The following VHLL variants were observed in gnomAD, a reference collection of about 807,000 sequenced individuals.
The protein encoded by VHLL is VHL like, also known as von Hippel-Lindau-like protein.
Under a neutral mutation model 3.5 loss-of-function variants are expected in VHLL, and 4 were observed. That is an observed-to-expected ratio of 1.13 (90% CI 0.56 to 2.59). The LOEUF (loss-of-function observed/expected upper bound fraction) is 2.59, where lower values mean the gene tolerates loss of function less well. Ranked by LOEUF, VHLL falls within the 30% of genes most tolerant of loss-of-function variation. The pLI, the probability that VHLL is intolerant of heterozygous loss-of-function variation, is 0.02. For missense variants in VHLL, 155 were observed against 178.2 expected, an observed-to-expected ratio of 0.87 and a Z score of 0.74; for synonymous variants, 77 against 76.0, an observed-to-expected ratio of 1.01 and a Z score of -0.07.
chr1:156,299,012 T>C lies in VHLL; in HGVS notation c.178A>G (p.Asn60Asp), dbSNP rs1663722756. The change falls in exon 1 of 1, where the codon AAT (asparagine) becomes GAT (aspartate). Residue 60 changes from asparagine (N) to aspartate (D), a missense_variant. Coordinates refer to ENST00000339922, the MANE Select transcript of VHLL (RefSeq NM_001004319.3). ...SRELSRIIIC[N>D]HSPRIVLPVW... ...GGCAGCACGATTCGTGGGCTGTGAT[T>C]GCAGATGATGATCCGGGAGAGCTCG... 2.5e-6 allele frequency: 4 copies of C among 1,613,382 alleles called. No homozygotes were observed. Among genetic ancestry groups the C allele is most frequent in the Non-Finnish European group, 3.4e-6 (4 of 1,180,018 alleles).
Position 156,299,138 on chromosome 1 carries a change from G to T in VHLL, c.52C>A (p.Gln18Lys). ...CAGTACTCTTCTGGGCCTGCCTCCTGGGTGCCCGCCTGGGCCTCTAAACCC... is the reference window on the plus strand; with the variant it reads ...CAGTACTCTTCTGGGCCTGCCTCCTTGGTGCCCGCCTGGGCCTCTAAACCC... ...GVGLEAQAGTQEAGPEEYCQE... is the reference protein window; with the variant it reads ...GVGLEAQAGTKEAGPEEYCQE... The change falls in exon 1 of 1, where the codon CAG becomes AAG. Residue 18 changes from glutamine to lysine, a missense_variant. By Grantham distance (53) the Gln-to-Lys change is moderately conservative (BLOSUM62 1). Coordinates refer to ENST00000339922, the MANE Select transcript of VHLL (RefSeq NM_001004319.3). 6.2e-7 allele frequency: 1 copy of T among 1,604,578 alleles called. No homozygotes were observed.
In VHLL at chr1:156,298,835, C is replaced by G. The variant is rs769110759; in HGVS notation, c.355G>C (p.Val119Leu). 2 of 1,614,070 alleles carry G rather than the reference C, an allele frequency of 1.2e-6. No individual in the cohort carries two copies. Among genetic ancestry groups the G allele is most frequent in the Non-Finnish European group, 1.7e-6 (2 of 1,180,050 alleles). Reference protein sequence around the residue: ...KLLVNQTELFVPSSNVNGQPV... With the variant: ...KLLVNQTELFLPSSNVNGQPV... The stretch of plus-strand genomic sequence containing the variant: ...TGTCCATTAACATTGGAAGATGGCA[C>G]AAACAATTCAGTTTGGTTAACCAGA... Residue 119 changes from valine (V) to leucine (L), a missense_variant, in exon 1 of 1, where the codon GTG (valine) becomes CTG (leucine). Coordinates refer to ENST00000339922, the MANE Select transcript of VHLL (RefSeq NM_001004319.3).
rs1438663509 is a variant in VHLL, at chr1:156,299,160, A to C, written c.30T>G (p.Gly10=). The C allele has an allele frequency of 1.9e-6, 3 of 1,586,088 alleles. No individual in the cohort carries two copies. The highest frequency in any genetic ancestry group is 2.6e-6 in the Non-Finnish European group (3 of 1,164,726). ...CCTGGGTGCCCGCCTGGGCCTCTAA[A>C]CCCACCCCGTTCCCCGCTCTCCAGG... The part of the protein sequence containing the change: MPWRAGNGV[G]LEAQAGTQEA... Residue 10 remains glycine, a synonymous_variant, in exon 1 of 1, where the codon GGT becomes GGG. Coordinates refer to ENST00000339922, the MANE Select transcript of VHLL (RefSeq NM_001004319.3).
At position 156,298,708 on chromosome 1, in the gene VHLL, G is replaced by A. The variant is rs1663714961; in HGVS notation, c.*62C>T. 1.3e-6 allele frequency: 2 copies of A among 1,539,358 alleles called. No homozygotes were observed. Among genetic ancestry groups the A allele is most frequent in the African/African-American group, 1.4e-5 (1 of 73,280 alleles). On this transcript the variant is annotated 3_prime_UTR_variant, in exon 1 of 1. Transcript: ENST00000339922. Reference sequence around the variant, plus strand: ...GATCGTCATAGAGTGATCTGACGATGTCCAGTCTCCTGTAATTCTTGGGCT... The same window carrying A: ...GATCGTCATAGAGTGATCTGACGATATCCAGTCTCCTGTAATTCTTGGGCT...
chr1:156,299,167 C>A lies in VHLL; in HGVS notation c.23G>T (p.Gly8Val). 1.3e-6 allele frequency: 2 copies of A among 1,576,714 alleles called. No homozygotes were observed. Among genetic ancestry groups the A allele is most frequent in the Non-Finnish European group, 1.7e-6 (2 of 1,160,198 alleles). MPWRAGNGVGLEAQAGTQ... is the reference protein window; with the variant it reads MPWRAGNVVGLEAQAGTQ... The stretch of plus-strand genomic sequence containing the variant: ...GCCCGCCTGGGCCTCTAAACCCACC[C>A]CGTTCCCCGCTCTCCAGGGCATTAC... The change falls in exon 1 of 1, where the codon GGG becomes GTG. Residue 8 changes from glycine to valine, a missense_variant. By Grantham distance (109) the Gly-to-Val change is moderately radical (BLOSUM62 -3). Transcript: ENST00000339922.
At position 156,299,054 on chromosome 1, in the gene VHLL, G is replaced by A. The variant is rs143080465; in HGVS notation, c.136C>T (p.Arg46Cys). The stretch of plus-strand genomic sequence containing the variant: ...GAGAGCTCGCGTGAGTTCACAGAGC[G>A]CAGCACAGGCCATGCTGCTCTGGCT... ...MAARAAWPVL[R>C]SVNSRELSRI... The change falls in exon 1 of 1, where the codon CGC (arginine) becomes TGC (cysteine). Residue 46 changes from arginine (R) to cysteine (C), a missense_variant. Arg to Cys is a radical substitution (Grantham distance 180, BLOSUM62 -3). Transcript: ENST00000339922. 619 of 1,613,130 alleles carry A rather than the reference G, an allele frequency of 3.8e-4. No individual in the cohort carries two copies. The highest frequency in any genetic ancestry group is 4.9e-4 in the Non-Finnish European group (583 of 1,180,018).
chr1:156,299,295 G>C lies in VHLL; in HGVS notation c.-106C>G. 7.1e-7 allele frequency: 1 copy of C among 1,408,372 alleles called. No homozygotes were observed. Among genetic ancestry groups the C allele is most frequent in the Non-Finnish European group, 9.6e-7 (1 of 1,041,932 alleles). 87.2% of individuals were successfully genotyped at this position (1,408,372 alleles called of 1,614,324 possible). The stretch of plus-strand genomic sequence containing the variant: ...GAGTTACAATGGAATCAGAAAGGCT[G>C]GGAGTATATAACCCCCTACCTGGGT... On this transcript the variant is annotated 5_prime_UTR_variant, in exon 1 of 1. Transcript: ENST00000339922.
In VHLL at chr1:156,298,743, T is replaced by G; in HGVS notation, c.*27A>C. 1 of 1,598,234 alleles carries G rather than the reference T, an allele frequency of 6.3e-7. No homozygotes were observed. Among genetic ancestry groups the G allele is most frequent in the Non-Finnish European group, 8.5e-7 (1 of 1,170,294 alleles). Reference sequence around the variant, plus strand: ...CTGTAATTCTTGGGCTTGACTAGGCTTCCGACAACCTGGAGGCATTGCTCT... The same window carrying G: ...CTGTAATTCTTGGGCTTGACTAGGCGTCCGACAACCTGGAGGCATTGCTCT... On this transcript the variant is annotated 3_prime_UTR_variant, in exon 1 of 1. Coordinates refer to ENST00000339922, the MANE Select transcript of VHLL (RefSeq NM_001004319.3).
rs1284661051 is a variant in VHLL, at chr1:156,298,738, T to G, written c.*32A>C. ...GTCTCCTGTAATTCTTGGGCTTGAC[T>G]AGGCTTCCGACAACCTGGAGGCATT... On this transcript the variant is annotated 3_prime_UTR_variant, in exon 1 of 1. Transcript: ENST00000339922. 1 of 1,594,952 alleles carries G rather than the reference T, an allele frequency of 6.3e-7. No homozygotes were observed. The highest frequency in any genetic ancestry group is 8.6e-7 in the Non-Finnish European group (1 of 1,168,638).
At position 156,298,677 on chromosome 1, in the gene VHLL, C is replaced by G; in HGVS notation, c.*93G>C. The stretch of plus-strand genomic sequence containing the variant: ...GGTCTTTCAATCACATTTGGATGAT[C>G]TTCCAGATCGTCATAGAGTGATCTG... On this transcript the variant is annotated 3_prime_UTR_variant, in exon 1 of 1. Transcript: ENST00000339922. The G allele has an allele frequency of 1.4e-6, 2 of 1,418,646 alleles. No individual in the cohort carries two copies. The highest frequency in any genetic ancestry group is 1.9e-6 in the Non-Finnish European group (2 of 1,035,418). The allele number at this position is 1,418,646 out of a possible 1,614,324, so 87.9% of individuals were successfully genotyped here. A position where few individuals can be genotyped will look rare whatever the true frequency, so the allele number is the denominator to read the frequency against.
chr1:156,298,906 C>T lies in VHLL; in HGVS notation c.284G>A (p.Arg95Gln), dbSNP rs373342361. 38 of 1,614,056 alleles carry T rather than the reference C, an allele frequency of 2.4e-5. No individual in the cohort carries two copies. Among genetic ancestry groups the T allele is most frequent in the Middle Eastern group, 1.6e-4 (1 of 6,084 alleles). ...ATCTCTGAAGAGCCAAGGGTGGCTT[C>T]GGAAGTTGTGGATGCGGAAGTCCCT... ...PGRDFRIHNFRSHPWLFRDAR... is the reference protein window; with the variant it reads ...PGRDFRIHNFQSHPWLFRDAR... The change falls in exon 1 of 1, where the codon CGA becomes CAA. Residue 95 changes from arginine to glutamine, a missense_variant. By Grantham distance (43) the Arg-to-Gln change is conservative (BLOSUM62 1). Coordinates refer to ENST00000339922, the MANE Select transcript of VHLL (RefSeq NM_001004319.3).
rs1241196821 is a variant in VHLL at position 156,299,174 on chromosome 1, C to G, written c.16G>C (p.Gly6Arg). The change falls in exon 1 of 1, where the codon GGG (glycine) becomes CGG (arginine). Residue 6 changes from glycine to arginine, a missense_variant. Gly to Arg is a moderately radical substitution (Grantham distance 125). Transcript: ENST00000339922. MPWRA[G>R]NGVGLEAQAG... ...TGGGCCTCTAAACCCACCCCGTTCC[C>G]CGCTCTCCAGGGCATTACCTCCGAA... 2.5e-6 allele frequency: 4 copies of G among 1,571,926 alleles called. No individual in the cohort carries two copies. The highest frequency in any genetic ancestry group is 1.7e-6 in the Non-Finnish European group (2 of 1,158,008).
At position 156,298,792 on chromosome 1, in the gene VHLL, A is replaced by G; in HGVS notation, c.398T>C (p.Ile133Thr). Reference sequence around the variant, plus strand: ...CTTTCAGGGTATACACTGCAGTGTGATGTTGGCAAAAACAGGCTGTCCATT... The same window carrying G: ...CTTTCAGGGTATACACTGCAGTGTGGTGTTGGCAAAAACAGGCTGTCCATT... ...NVNGQPVFAN[I>T]TLQCIP The change falls in exon 1 of 1, where the codon ATC becomes ACC. Residue 133 changes from isoleucine to threonine, a missense_variant. Transcript: ENST00000339922. The G allele has an allele frequency of 6.2e-7, 1 of 1,614,086 alleles. No individual in the cohort carries two copies. Among genetic ancestry groups the G allele is most frequent in the Non-Finnish European group, 8.5e-7 (1 of 1,179,938 alleles).
Position 156,299,234 on chromosome 1 carries a change from T to A in VHLL, c.-45A>T, listed in dbSNP as rs1663731374. ...ACTTGGGCCTGCCCATACCAGTTCT[T>A]AAAGAGACTACTTCCGTTCACCCGG... is the stretch of plus-strand genomic sequence containing the variant. On this transcript the variant is annotated 5_prime_UTR_variant, in exon 1 of 1. Coordinates refer to ENST00000339922, the MANE Select transcript of VHLL (RefSeq NM_001004319.3). 2.6e-6 allele frequency: 4 copies of A among 1,515,702 alleles called. No individual in the cohort carries two copies. The East Asian group carries it at 9.1e-5, about 34-fold the overall frequency. The allele number at this position is 1,515,702 out of a possible 1,614,324, so 93.9% of individuals were successfully genotyped here.
Position 156,298,948 on chromosome 1 carries a change from A to G in VHLL, c.242T>C (p.Leu81Pro), listed in dbSNP as rs748539543. ...GAAGTCCCTGCCGGGCAGCAGCGTC[A>G]GGTAGGGCAGCAGCTTGCCATAGTA... Reference protein sequence around the residue: ...LNYYGKLLPYLTLLPGRDFRI... With the variant: ...LNYYGKLLPYPTLLPGRDFRI... Residue 81 changes from leucine (L) to proline (P), a missense_variant, in exon 1 of 1, where the codon CTG (leucine) becomes CCG (proline). Leu to Pro is a moderately conservative substitution (Grantham distance 98). Coordinates refer to ENST00000339922, the MANE Select transcript of VHLL (RefSeq NM_001004319.3). 6.2e-7 allele frequency: 1 copy of G among 1,614,168 alleles called. No homozygotes were observed. Among genetic ancestry groups the G allele is most frequent in the South Asian group, 1.1e-5 (1 of 91,084 alleles).
In VHLL at chr1:156,299,095, GCGC is replaced by G. The variant is rs759890939; in HGVS notation, c.92_94del (p.Gly31del). ...TGCTCTGGCTGCCATCTCCTCCTCG[GCGC>G]CCAACTCTTCCTGGCAGTACTCTTC... On this transcript the variant is annotated inframe_deletion, in exon 1 of 1. Coordinates refer to ENST00000339922, the MANE Select transcript of VHLL (RefSeq NM_001004319.3). 1 of 1,613,328 alleles carries G rather than the reference GCGC, an allele frequency of 6.2e-7. No homozygotes were observed. The highest frequency in any genetic ancestry group is 1.3e-5 in the African/African-American group (1 of 74,994).
rs1010328263 is a variant in VHLL at position 156,298,707 on chromosome 1, T to C, written c.*63A>G. 11 of 1,535,396 alleles carry C rather than the reference T, an allele frequency of 7.2e-6. No individual in the cohort carries two copies. The highest frequency in any genetic ancestry group is 4.5e-5 in the East Asian group (2 of 44,374). ...AGATCGTCATAGAGTGATCTGACGATGTCCAGTCTCCTGTAATTCTTGGGC... is the reference window on the plus strand; with the variant it reads ...AGATCGTCATAGAGTGATCTGACGACGTCCAGTCTCCTGTAATTCTTGGGC... On this transcript the variant is annotated 3_prime_UTR_variant, in exon 1 of 1. Coordinates refer to ENST00000339922, the MANE Select transcript of VHLL (RefSeq NM_001004319.3).
chr1:156,298,720 G>GT lies in VHLL; in HGVS notation c.*49dup. On this transcript the variant is annotated 3_prime_UTR_variant, in exon 1 of 1. Transcript: ENST00000339922. ...GTGATCTGACGATGTCCAGTCTCCT[G>GT]TAATTCTTGGGCTTGACTAGGCTTC... 1.3e-6 allele frequency: 2 copies of GT among 1,572,526 alleles called. No individual in the cohort carries two copies. The highest frequency in any genetic ancestry group is 1.7e-6 in the Non-Finnish European group (2 of 1,153,326).
Position 156,299,075 on chromosome 1 carries a change from T to G in VHLL, c.115A>C (p.Arg39=), listed in dbSNP as rs377551683. The G allele has an allele frequency of 8.5e-5, 137 of 1,613,336 alleles. No homozygotes were observed. Among genetic ancestry groups the G allele is most frequent in the Non-Finnish European group, 1.1e-4 (126 of 1,180,010 alleles). ...GAGCGCAGCACAGGCCATGCTGCTC[T>G]GGCTGCCATCTCCTCCTCGGCGCCC... ...ELGAEEEMAA[R]AAWPVLRSVN... is the part of the protein sequence containing the mutation. The change falls in exon 1 of 1, where the codon AGA becomes CGA. Residue 39 remains arginine, a synonymous_variant. Transcript: ENST00000339922.
Sources: gnomAD v4.1 joint callset for allele counts on GRCh38, gnomAD v4.1.1 for gene constraint, MANE v1.5 for transcripts, NCBI Gene and HGNC (gene_info 2026-07-23, HGNC 2026-07-21) for gene names.